The following SAMD9 variants were observed in gnomAD, a reference collection of about 807,000 sequenced individuals.
SAMD9 encodes the protein sterile alpha motif domain containing 9.
A neutral mutation model predicts 1.5 loss-of-function variants in SAMD9; 3 were observed. That is an observed-to-expected ratio of 2.05 (90% CI 0.93 to 5.29). The LOEUF (loss-of-function observed/expected upper bound fraction) is 5.29, where lower values mean the gene tolerates loss of function less well. Ranked by LOEUF, SAMD9 falls within the 30% of genes most tolerant of loss-of-function variation. SAMD9 has a pLI of 0.02. For synonymous variants in SAMD9, 635 were observed against 631.9 expected, an observed-to-expected ratio of 1.00 and a Z score of -0.07; for missense variants, 1,597 against 1,820.8, an observed-to-expected ratio of 0.88 and a Z score of 2.24.
chr7:93,101,277 A>G lies in SAMD9; in HGVS notation c.*51T>C. 2 of 1,513,532 alleles carry G rather than the reference A, an allele frequency of 1.3e-6. No individual in the cohort carries two copies. Among genetic ancestry groups the G allele is most frequent in the South Asian group, 2.2e-5 (2 of 89,202 alleles). The allele number at this position is 1,513,532 out of a possible 1,614,324, so 93.8% of individuals were successfully genotyped here. A position where few individuals can be genotyped will look rare whatever the true frequency, so the allele number is the denominator to read the frequency against. ...TTAAAGCATAGATCTTGAGTCCAAA[A>G]AAATTAAATGGGTACTGAGATCAAA... On this transcript the variant is annotated 3_prime_UTR_variant, in exon 3 of 3. Coordinates refer to ENST00000379958, the MANE Select transcript of SAMD9 (RefSeq NM_017654.4).
rs1791595995 is a variant in SAMD9, at chr7:93,104,489, C to T, written c.1609G>A (p.Gly537Arg). 2 of 1,613,906 alleles carry T rather than the reference C, an allele frequency of 1.2e-6. No individual in the cohort carries two copies. The highest frequency in any genetic ancestry group is 1.7e-6 in the Non-Finnish European group (2 of 1,179,930). ...FLTHEDIMPR[G>R]KFLVVFLLLS... Reference sequence around the variant, plus strand: ...AATAGAAATACCACCAAAAACTTCCCTCTTGGCATTATGTCTTCATGTGTA... The same window carrying T: ...AATAGAAATACCACCAAAAACTTCCTTCTTGGCATTATGTCTTCATGTGTA... The change falls in exon 3 of 3, where the codon GGG (glycine) becomes AGG (arginine). Residue 537 changes from glycine (G) to arginine (R), a missense_variant. Physicochemically the swap from Gly to Arg is moderately radical, Grantham distance 125 (BLOSUM62 -2). Transcript: ENST00000379958.
In SAMD9 at chr7:93,101,998, T is replaced by C. The variant is rs761608598; in HGVS notation, c.4100A>G (p.Asn1367Ser). The C allele has an allele frequency of 6.2e-7, 1 of 1,613,624 alleles. No individual in the cohort carries two copies. Among genetic ancestry groups the C allele is most frequent in the Non-Finnish European group, 8.5e-7 (1 of 1,179,662 alleles). ...TTGTTCTAAGAGAAAAGTATATTCG[T>C]TCACTATACATTTCATAGTGCTTAT... is the stretch of plus-strand genomic sequence containing the variant. ...DAISTMKCIV[N>S]EYTFLLEQCT... Residue 1367 changes from asparagine to serine, a missense_variant, in exon 3 of 3, where the codon AAC becomes AGC. By Grantham distance (46) the Asn-to-Ser change is conservative. Transcript: ENST00000379958.
At position 93,105,835 on chromosome 7, in the gene SAMD9, A is replaced by C. The variant is rs573516601; in HGVS notation, c.263T>G (p.Met88Arg). 5 of 1,614,026 alleles carry C rather than the reference A, an allele frequency of 3.1e-6. No individual in the cohort carries two copies. The African/African-American group carries it at 6.7e-5, about 22-fold the overall frequency. ...AGGAGCATTTTTACTGGGCTTTCCCATCTTAGATGTCTGAATCGAATCTTC... is the reference window on the plus strand; with the variant it reads ...AGGAGCATTTTTACTGGGCTTTCCCCTCTTAGATGTCTGAATCGAATCTTC... The part of the protein sequence containing the change: ...AIEDSIQTSK[M>R]GKPSKNAPKD... Residue 88 changes from methionine to arginine, a missense_variant, in exon 3 of 3, where the codon ATG becomes AGG. This residue lies in a region of SAMD9 where 498 missense variants were observed against 457.4 expected (regional missense o/e 1.09). Coordinates refer to ENST00000379958, the MANE Select transcript of SAMD9 (RefSeq NM_017654.4).
Position 93,105,392 on chromosome 7 carries a change from G to T in SAMD9, c.706C>A (p.His236Asn), listed in dbSNP as rs1416053668. 1 of 1,613,988 alleles carries T rather than the reference G, an allele frequency of 6.2e-7. No individual in the cohort carries two copies. Among genetic ancestry groups the T allele is most frequent in the African/African-American group, 1.3e-5 (1 of 75,022 alleles). ...TGGGGTTTGTCTTTGACTCCAAAAT[G>T]AATAGTGCCATTGGTACGTGAATTC... ...CMNSRTNGTI[H>N]FGVKDKPHGK... Residue 236 changes from histidine to asparagine, a missense_variant, in exon 3 of 3, where the codon CAT becomes AAT. Physicochemically the swap from His to Asn is moderately conservative, Grantham distance 68. This residue lies in a region of SAMD9 where 498 missense variants were observed against 457.4 expected (regional missense o/e 1.09). Coordinates refer to ENST00000379958, the MANE Select transcript of SAMD9 (RefSeq NM_017654.4).
intron 2 of SAMD9, among the ~76,000 whole-genome samples, chr7:93,112,540 T>G (rs1472514010): frequency 6.6e-6 from 1 of 152,204 alleles, no homozygotes; most frequent in Non-Finnish European, 1.5e-5. Context: ...ATGACATGAT[T>G]GTATGTTTAG....
At position 93,105,799 on chromosome 7, in the gene SAMD9, G is replaced by C; in HGVS notation, c.299C>G (p.Thr100Ser). ...KPSKNAPKDQ[T>S]VSQKERRETS... is the part of the protein sequence containing the mutation. ...TTCTCTACGTTCCTTTTGAGACACA[G>C]TTTGGTCTTTAGGAGCATTTTTACT... is the stretch of plus-strand genomic sequence containing the variant. The change falls in exon 3 of 3, where the codon ACT (threonine) becomes AGT (serine). Residue 100 changes from threonine (T) to serine (S), a missense_variant. Transcript: ENST00000379958. 6.2e-7 allele frequency: 1 copy of C among 1,614,126 alleles called. No homozygotes were observed. Among genetic ancestry groups the C allele is most frequent in the Non-Finnish European group, 8.5e-7 (1 of 1,180,004 alleles).
In SAMD9 at chr7:93,106,048, T is replaced by C. The variant is rs1432345908; in HGVS notation, c.50A>G (p.Glu17Gly). 2 of 1,593,296 alleles carry C rather than the reference T, an allele frequency of 1.3e-6. No individual in the cohort carries two copies. Among genetic ancestry groups the C allele is most frequent in the Admixed American group, 1.8e-5 (1 of 54,312 alleles). Reference protein sequence around the residue: ...LPENTDDWTKEDVNQWLESHK... With the variant: ...LPENTDDWTKGDVNQWLESHK... ...ACTTTCTAACCACTGATTTACATCC[T>C]CTTTTGTCCAATCATCTGTATTTTC... The change falls in exon 3 of 3, where the codon GAG becomes GGG. Residue 17 changes from glutamate (E) to glycine (G), a missense_variant. By Grantham distance (98) the Glu-to-Gly change is moderately conservative. Around this residue, in one of 6 missense-constraint regions of SAMD9, gnomAD observed 498 missense variants for 457.4 expected, o/e 1.09. Coordinates refer to ENST00000379958, the MANE Select transcript of SAMD9 (RefSeq NM_017654.4).
chr7:93,103,960 C>CTTTCATA lies in SAMD9; in HGVS notation c.2131_2137dup (p.Arg713IlefsTer2), dbSNP rs758668269. ...ACAGTTTTGAATCATTGCTTCAAGTCTTTCATATTTATCCCTTTTGACAAA... is the reference window on the plus strand; with the variant it reads ...ACAGTTTTGAATCATTGCTTCAAGTCTTTCATATTTCATATTTATCCCTTTTGACAAA... On this transcript the variant is annotated stop_gained and frameshift_variant, in exon 3 of 3. Transcript: ENST00000379958. LOFTEE classifies it low-confidence loss of function (END_TRUNC). 1 of 1,613,282 alleles carries CTTTCATA rather than the reference C, an allele frequency of 6.2e-7. No homozygotes were observed. The highest frequency in any genetic ancestry group is 8.5e-7 in the Non-Finnish European group (1 of 1,179,474).
rs751226142 is a variant in SAMD9 at position 93,102,917 on chromosome 7, C to A, written c.3181G>T (p.Asp1061Tyr). Residue 1061 changes from aspartate (D) to tyrosine (Y), a missense_variant, in exon 3 of 3, where the codon GAT becomes TAT. By Grantham distance (160) the Asp-to-Tyr change is radical (BLOSUM62 -3). Coordinates refer to ENST00000379958, the MANE Select transcript of SAMD9 (RefSeq NM_017654.4). ...GCTTCAACTGCTTCATTTCCTTCAT[C>A]TTTATGTAATGCTTCAATAAATGGG... ...FSPFIEALHK[D>Y]EGNEAVEAVL... 1.2e-6 allele frequency: 2 copies of A among 1,613,770 alleles called. No homozygotes were observed. Among genetic ancestry groups the A allele is most frequent in the Non-Finnish European group, 1.7e-6 (2 of 1,179,832 alleles).
rs201505731 is a variant in SAMD9, at chr7:93,103,244, C to T, written c.2854G>A (p.Gly952Arg). The change falls in exon 3 of 3, where the codon GGG becomes AGG. Residue 952 changes from glycine (G) to arginine (R), a missense_variant. This residue lies in a region of SAMD9 where 682 missense variants were observed against 810.0 expected (regional missense o/e 0.84). Transcript: ENST00000379958. ...ATCTTGTCTTCAAATTTTTCTGTCC[C>T]CCAGAAAGCCTTCTTGTTTCCAATT... ...LGIGNKKAFW[G>R]TEKFEDKMGT... The T allele has an allele frequency of 6.2e-7, 1 of 1,613,508 alleles. No homozygotes were observed. Among genetic ancestry groups the T allele is most frequent in the East Asian group, 2.2e-5 (1 of 44,870 alleles).
rs2116420823 is a variant in SAMD9 at position 93,105,049 on chromosome 7, T to C, written c.1049A>G (p.Lys350Arg). Reference sequence around the variant, plus strand: ...ATCAACTTTATTTTTCGTAATGTCCTTAGAGCTGGTCCCATCTCGCACAAA... The same window carrying C: ...ATCAACTTTATTTTTCGTAATGTCCCTAGAGCTGGTCCCATCTCGCACAAA... ...SLFVRDGTSS[K>R]DITKNKVDFR... is the part of the protein sequence containing the mutation. Residue 350 changes from lysine (K) to arginine (R), a missense_variant, in exon 3 of 3, where the codon AAG becomes AGG. By Grantham distance (26) the Lys-to-Arg change is conservative (BLOSUM62 2). Coordinates refer to ENST00000379958, the MANE Select transcript of SAMD9 (RefSeq NM_017654.4). 1.9e-6 allele frequency: 3 copies of C among 1,614,036 alleles called. No homozygotes were observed. Among genetic ancestry groups the C allele is most frequent in the Non-Finnish European group, 2.5e-6 (3 of 1,179,954 alleles).
Position 93,102,980 on chromosome 7 carries a change from G to A in SAMD9, c.3118C>T (p.Arg1040Cys), listed in dbSNP as rs201576502. The part of the protein sequence containing the change: ...DMHTLLLTRH[R>C]DEHEGETGNW... Reference sequence around the variant, plus strand: ...CCTGTTTCACCTTCATGTTCATCGCGGTGTCTTGTGAGTAGGAGTGTGTGC... The same window carrying A: ...CCTGTTTCACCTTCATGTTCATCGCAGTGTCTTGTGAGTAGGAGTGTGTGC... The change falls in exon 3 of 3, where the codon CGC (arginine) becomes TGC (cysteine). Residue 1040 changes from arginine (R) to cysteine (C), a missense_variant. Physicochemically the swap from Arg to Cys is radical, Grantham distance 180 (BLOSUM62 -3). This residue lies in a region of SAMD9 where 682 missense variants were observed against 810.0 expected (regional missense o/e 0.84). Transcript: ENST00000379958. The A allele has an allele frequency of 5.0e-5, 81 of 1,613,638 alleles. No individual in the cohort carries two copies. The highest frequency in any genetic ancestry group is 6.1e-5 in the Non-Finnish European group (72 of 1,179,804).
In SAMD9 at chr7:93,105,926, C is replaced by T. The variant is rs1791634786; in HGVS notation, c.172G>A (p.Gly58Ser). 6 of 1,612,914 alleles carry T rather than the reference C, an allele frequency of 3.7e-6. No homozygotes were observed. The highest frequency in any genetic ancestry group is 5.1e-6 in the Non-Finnish European group (6 of 1,179,472). ...WLKKEHLVDMGITHGPAIQIE... is the reference protein window; with the variant it reads ...WLKKEHLVDMSITHGPAIQIE... ...TGAATAGCTGGTCCATGTGTGATGCCCATATCAACAAGATGTTCTTTTTTT... is the reference window on the plus strand; with the variant it reads ...TGAATAGCTGGTCCATGTGTGATGCTCATATCAACAAGATGTTCTTTTTTT... Residue 58 changes from glycine (G) to serine (S), a missense_variant, in exon 3 of 3, where the codon GGC (glycine) becomes AGC (serine). Transcript: ENST00000379958.
At position 93,105,944 on chromosome 7, in the gene SAMD9, C is replaced by A. The variant is rs752993312; in HGVS notation, c.154G>T (p.Glu52Ter). The change falls in exon 3 of 3, where the codon GAA becomes TAA. Residue 52 changes from glutamate to a stop codon, truncating the protein, a stop_gained. Coordinates refer to ENST00000379958, the MANE Select transcript of SAMD9 (RefSeq NM_017654.4). LOFTEE classifies it low-confidence loss of function (END_TRUNC). ...GTGATGCCCATATCAACAAGATGTT[C>A]TTTTTTTAACCACTTCAAGACTGCT... ...NGAVLKWLKK[E>*]HLVDMGITHG... The A allele has an allele frequency of 6.2e-7, 1 of 1,611,736 alleles. No homozygotes were observed. The highest frequency in any genetic ancestry group is 8.5e-7 in the Non-Finnish European group (1 of 1,178,840).
Position 93,099,566 on chromosome 7 carries a change from G to C in SAMD9, c.*1762C>G, listed in dbSNP as rs2116407967. ...ATTAGAAAGTAACAATAAAGAGTGA[G>C]CTTATAAGTTATGGAGTTAAAATTT... On this transcript the variant is annotated 3_prime_UTR_variant, in exon 3 of 3. Coordinates refer to ENST00000379958, the MANE Select transcript of SAMD9 (RefSeq NM_017654.4). The C allele has an allele frequency of 6.6e-6, 1 of 152,282 alleles. No individual in the cohort carries two copies. Among genetic ancestry groups the C allele is most frequent in the South Asian group, 2.1e-4 (1 of 4,824 alleles). The allele number at this position is 152,282 out of a possible 1,614,324, so 9.4% of individuals were successfully genotyped here. A position where few individuals can be genotyped will look rare whatever the true frequency, so the allele number is the denominator to read the frequency against.
At chr7:93,113,606 G>C (rs1022523812) in intron 2 of SAMD9, among the ~76,000 whole-genome samples, 3 of 151,870 alleles carry the variant, frequency 2.0e-5, no homozygotes, top group African/African-American at 7.2e-5. Flanking sequence ...TTTACAAAAA[G>C]AAATCAAGCA....
At position 93,105,587 on chromosome 7, in the gene SAMD9, T is replaced by A; in HGVS notation, c.511A>T (p.Asn171Tyr). 1 of 1,614,140 alleles carries A rather than the reference T, an allele frequency of 6.2e-7. No individual in the cohort carries two copies. The highest frequency in any genetic ancestry group is 8.5e-7 in the Non-Finnish European group (1 of 1,180,018). ...AAATCCAACTTGTAACGATATGGATTACTGAATTCATCAAATGGATATGAT... is the reference window on the plus strand; with the variant it reads ...AAATCCAACTTGTAACGATATGGATAACTGAATTCATCAAATGGATATGAT... ...CVSYPFDEFSNPYRYKLDFSL... is the reference protein window; with the variant it reads ...CVSYPFDEFSYPYRYKLDFSL... The change falls in exon 3 of 3, where the codon AAT becomes TAT. Residue 171 changes from asparagine to tyrosine, a missense_variant. Physicochemically the swap from Asn to Tyr is moderately radical, Grantham distance 143. Coordinates refer to ENST00000379958, the MANE Select transcript of SAMD9 (RefSeq NM_017654.4).
rs762771385 is a variant in SAMD9 at position 93,105,610 on chromosome 7, G to T, written c.488C>A (p.Ser163Ter). The change falls in exon 3 of 3, where the codon TCA becomes TAA. Residue 163 changes from serine (S) to a stop codon, truncating the protein, a stop_gained. Coordinates refer to ENST00000379958, the MANE Select transcript of SAMD9 (RefSeq NM_017654.4). LOFTEE classifies it low-confidence loss of function (END_TRUNC). ...ATTACTGAATTCATCAAATGGATAT[G>T]ATACACATGTCAGGTCTATGGATGG... ...RQPSIDLTCV[S>*]YPFDEFSNPY... 6.2e-7 allele frequency: 1 copy of T among 1,614,108 alleles called. No homozygotes were observed. The highest frequency in any genetic ancestry group is 8.5e-7 in the Non-Finnish European group (1 of 1,179,996).
At chr7:93,116,425 A>T (rs144631220) in intron 1 of SAMD9, among the ~76,000 whole-genome samples, 1 of 152,322 alleles carries the variant, frequency 6.6e-6, no homozygotes, top group Admixed American at 6.5e-5. Context: ...AGACACTATG[A>T]ATATTTCAAA....
Sources: gnomAD v4.1 joint callset for allele counts (sites outside exome capture counted in the v4.1 genomes callset) on GRCh38, gnomAD v4.1.1 for gene constraint, gnomAD v4.1.1 regional missense constraint, MANE v1.5 for transcripts, NCBI Gene and HGNC (gene_info 2026-07-23, HGNC 2026-07-21) for gene names.